NBEA: variants seen among roughly 807,000 people sequenced by gnomAD.
NBEA encodes the protein lysosomal-trafficking regulator 2.
A neutral mutation model predicts 343.4 loss-of-function variants in NBEA; 44 were observed. The observed-to-expected ratio is 0.13, with a 90% CI of 0.10 to 0.16. NBEA has a LOEUF of 0.16. Ranked by LOEUF, NBEA falls within the 10% of genes least tolerant of loss-of-function variation. NBEA has a pLI of 1.00. For synonymous variants in NBEA, 1,175 were observed against 1,238.7 expected (o/e 0.95, Z 1.08); for missense variants, 2,555 against 3,631.3 (o/e 0.70, Z 7.62).
At chr13:35,669,882 G>A (rs2085527579) in intron 58 of NBEA, among the ~76,000 whole-genome samples, 1 of 151,876 alleles carries the variant, frequency 6.6e-6, no homozygotes, top group African/African-American at 2.4e-5. Flanking sequence ...GGGCTGGGAA[G>A]GGCAGGAAAG....
intron 8 of NBEA, among the ~76,000 whole-genome samples, chr13:35,063,225 C>A (rs2063527206): frequency 1.3e-5 from 2 of 152,004 alleles, no homozygotes; most frequent in Non-Finnish European, 2.9e-5. Context: ...GGGCACTGTT[C>A]TAGATGCTAG....
rs77914297 is a variant in NBEA at position 35,515,928 on chromosome 13, A to G, written c.6586-34549A>G. Among the ~76,000 whole-genome samples, 551 of 152,346 alleles carry G rather than the reference A, an allele frequency of 3.6e-3. 5 individuals are homozygous for G. Among genetic ancestry groups the G allele is most frequent in the African/African-American group, 0.013 (535 of 41,578 alleles). On this transcript the variant is annotated intron_variant, in intron 41 of 58. Transcript: ENST00000379939. The stretch of plus-strand genomic sequence containing the variant: ...ATATCACACACAATAAGATGCAATT[A>G]TAACATAGCAACCACTATCCTTCTG...
intron 34 of NBEA, among the ~76,000 whole-genome samples, chr13:35,278,008 AC>A (rs1241995148): frequency 3.3e-5 from 5 of 151,470 alleles, no homozygotes; most frequent in Admixed American, 6.6e-5. Context: ...AATTGCTTGC[AC>A]CCAGGAGGCA....
intron 39 of NBEA, among the ~76,000 whole-genome samples, chr13:35,448,034 A>G (rs1396865739): frequency 6.6e-6 from 1 of 152,198 alleles, no homozygotes; most frequent in African/African-American, 2.4e-5. Context: ...ACTTTAATTT[A>G]GATAAATGTT....
Position 35,196,247 on chromosome 13 carries a change from G to A in NBEA, c.5311G>A (p.Ala1771Thr), listed in dbSNP as rs569883536. 20 of 1,613,390 alleles carry A rather than the reference G, an allele frequency of 1.2e-5. No homozygotes were observed. The highest frequency in any genetic ancestry group is 1.7e-5 in the Non-Finnish European group (20 of 1,179,674). Residue 1771 changes from alanine to threonine, a missense_variant, in exon 31 of 59, where the codon GCA (alanine) becomes ACA (threonine). Coordinates refer to ENST00000379939, the MANE Select transcript of NBEA (RefSeq NM_001385012.1). ...GPEPIPYPDP[A>T]LKRETQAILP... Reference sequence around the variant, plus strand: ...TGAACCTATCCCATACCCAGATCCAGCATTGAAGAGAGAAACACAAGCTAT... The same window carrying A: ...TGAACCTATCCCATACCCAGATCCAACATTGAAGAGAGAAACACAAGCTAT...
Position 35,159,163 on chromosome 13 carries a change from A to T in NBEA, c.2992A>T (p.Met998Leu). The T allele has an allele frequency of 6.2e-7, 1 of 1,613,590 alleles. No individual in the cohort carries two copies. Residue 998 changes from methionine (M) to leucine (L), a missense_variant, in exon 22 of 59, where the codon ATG becomes TTG. This residue lies in a region of NBEA where 367 missense variants were observed against 377.5 expected (regional missense o/e 0.97). Transcript: ENST00000379939. ...ACAGACAACAGGAGCAAAAGGTGGA[A>T]TGGAAATTCGAGAGATAGAAGATCT... ...SSQTTGAKGG[M>L]EIREIEDLSQ...
chr13:35,357,256 T>C (rs2040541043), intron 38 of NBEA, among the ~76,000 whole-genome samples: 1 of 152,110 alleles, frequency 6.6e-6, no homozygotes. Context: ...ACTTGTAAGC[T>C]GTGTAATCTC....
chr13:35,181,508 G>A (rs2071315396), intron 28 of NBEA, among the ~76,000 whole-genome samples: 1 of 142,236 alleles, frequency 7.0e-6, no homozygotes, highest in South Asian at 2.2e-4. Context: ...TTTTGGATGA[G>A]TTTTTTTTTT....
At chr13:35,646,036 G>A in intron 50 of NBEA, 105 bp downstream of exon 50, 1 of 782,608 alleles carries the variant, frequency 1.3e-6, no homozygotes, top group Non-Finnish European at 2.1e-6. Context: ...CTGGGAATAA[G>A]AATAGTGACT....
intron 36 of NBEA, among the ~76,000 whole-genome samples, chr13:35,320,515 G>A (rs1566613979): frequency 6.6e-6 from 1 of 152,086 alleles, no homozygotes; most frequent in Non-Finnish European, 1.5e-5. Flanking sequence ...TTTCTCCCTG[G>A]CTGCCCTTAA....
chr13:35,544,015 A>C (rs1044906968), intron 41 of NBEA, among the ~76,000 whole-genome samples: 4 of 152,192 alleles, frequency 2.6e-5, no homozygotes, highest in Non-Finnish European at 4.4e-5. Flanking sequence ...TGTGGACCTG[A>C]AATTTCTTTT....
chr13:35,537,555 G>C (rs776149924), intron 41 of NBEA, among the ~76,000 whole-genome samples: 4 of 152,146 alleles, frequency 2.6e-5, no homozygotes, highest in Admixed American at 6.5e-5. Flanking sequence ...TACATTTGCG[G>C]TAAGTGCTGT....
chr13:35,227,036 T>C (rs937586194), intron 33 of NBEA, among the ~76,000 whole-genome samples: 2 of 152,174 alleles, frequency 1.3e-5, no homozygotes, highest in Admixed American at 6.6e-5. Context: ...ATCTACTTTT[T>C]TAACCTTTTC....
At chr13:35,644,799 C>A (rs539869968) in intron 49 of NBEA, among the ~76,000 whole-genome samples, 11 of 152,308 alleles carry the variant, frequency 7.2e-5, no homozygotes, top group African/African-American at 2.4e-4. Context: ...AATCATAAAT[C>A]TTGCACTGGG....
intron 23 of NBEA, among the ~76,000 whole-genome samples, chr13:35,163,479 A>G (rs2069731429): frequency 6.6e-6 from 1 of 151,946 alleles, no homozygotes; most frequent in Non-Finnish European, 1.5e-5. Flanking sequence ...CTGTTTTTAC[A>G]AACATTAACT....
chr13:35,538,672 G>A lies in NBEA; in HGVS notation c.6586-11805G>A, dbSNP rs554488229. On this transcript the variant is annotated intron_variant, in intron 41 of 58. Coordinates refer to ENST00000379939, the MANE Select transcript of NBEA (RefSeq NM_001385012.1). ...TAGGAGGTTGTACAGTAACCCCCGT[G>A]AGGACACTGAATAAACAGTGCGTCA... Among the ~76,000 whole-genome samples, 4 of 152,314 alleles carry A rather than the reference G, an allele frequency of 2.6e-5. No homozygotes were observed. In the South Asian group the frequency reaches 8.3e-4, roughly 32 times the overall value.
At chr13:34,997,890 A>G (rs1310952805) in intron 1 of NBEA, among the ~76,000 whole-genome samples, 1 of 152,218 alleles carries the variant, frequency 6.6e-6, no homozygotes, top group African/African-American at 2.4e-5. Context: ...AATTTTTACA[A>G]GAGACCTTAT....
chr13:35,108,838 G>A (rs2066046252), intron 11 of NBEA, among the ~76,000 whole-genome samples: 1 of 152,152 alleles, frequency 6.6e-6, no homozygotes, highest in Non-Finnish European at 1.5e-5. Context: ...ATCATCCAAG[G>A]ATAGAGTATT....
In NBEA at chr13:34,942,544, A is replaced by C; in HGVS notation, c.-277A>C. 2.5e-5 allele frequency: 5 copies of C among 197,658 alleles called. No individual in the cohort carries two copies. Among genetic ancestry groups the C allele is most frequent in the Admixed American group, 6.2e-5 (1 of 16,124 alleles). 12.2% of individuals were successfully genotyped at this position (197,658 alleles called of 1,614,324 possible). On this transcript the variant is annotated 5_prime_UTR_variant, in exon 1 of 59. Transcript: ENST00000379939. ...CAGCGGCGGCGGCAGCGGCAGCGGC[A>C]GCGGCACACCTGCTGGGCGGGCACA... is the stretch of plus-strand genomic sequence containing the variant.
Sources: allele counts gnomAD v4.1 joint callset (sites outside exome capture counted in the v4.1 genomes callset), GRCh38; gene constraint gnomAD v4.1.1; regional missense constraint gnomAD v4.1.1; transcripts MANE v1.5; gene names NCBI Gene and HGNC (gene_info 2026-07-23, HGNC 2026-07-21).